TPD52L1: variants seen among roughly 807,000 people sequenced by gnomAD.
TPD52L1 encodes TPD52 like 1.
A neutral mutation model predicts 28.7 loss-of-function variants in TPD52L1; 18 were observed. The ratio of observed to expected loss-of-function variants is 0.63; its 90% CI spans 0.43 to 0.93. The LOEUF is 0.93. Among genes scored for constraint, TPD52L1 ranks in the 40% least tolerant of loss-of-function variants. The pLI is 0.00. For missense variants in TPD52L1, 203 were observed against 254.8 expected (o/e 0.80, Z 1.39); for synonymous variants, 75 against 88.8 (o/e 0.84, Z 0.88).
intron 1 of TPD52L1, among the ~76,000 whole-genome samples, chr6:125,186,083 G>A (rs575280577): frequency 7.9e-5 from 12 of 151,868 alleles, no homozygotes; most frequent in East Asian, 1.9e-4. Flanking sequence ...TAGTAGAGAC[G>A]GTGTTTCACC....
chr6:125,249,561 G>A (rs531977342), intron 4 of TPD52L1, among the ~76,000 whole-genome samples: 26 of 151,704 alleles, frequency 1.7e-4, no homozygotes, highest in African/African-American at 6.3e-4. Flanking sequence ...GCATGGTTGT[G>A]TGTGCCTGTA....
chr6:125,179,402 C>A (rs1423883311), intron 1 of TPD52L1, among the ~76,000 whole-genome samples: 1 of 152,226 alleles, frequency 6.6e-6, no homozygotes, highest in Non-Finnish European at 1.5e-5. Context: ...CAGGCAACTG[C>A]TCAAAAACTG....
intron 1 of TPD52L1, among the ~76,000 whole-genome samples, chr6:125,213,582 C>T (rs538404727): frequency 6.6e-6 from 1 of 152,106 alleles, no homozygotes. Flanking sequence ...ACCCCAGCCC[C>T]TGATGCAGGA....
In TPD52L1 at chr6:125,263,037, G is replaced by A; in HGVS notation, c.*75G>A. 3 of 1,479,114 alleles carry A rather than the reference G, an allele frequency of 2.0e-6. No homozygotes were observed. The highest frequency in any genetic ancestry group is 9.0e-7 in the Non-Finnish European group (1 of 1,115,546). 91.6% of individuals were successfully genotyped at this position (1,479,114 alleles called of 1,614,324 possible). A position where few individuals can be genotyped will look rare whatever the true frequency, so the allele number is the denominator to read the frequency against. ...TCTCTGCCTGTGCTTATCCAGATAA[G>A]AAGACCAAAATCCCGCTGGGAAAAA... On this transcript the variant is annotated 3_prime_UTR_variant, in exon 7 of 7. Coordinates refer to ENST00000534000, the MANE Select transcript of TPD52L1 (RefSeq NM_003287.4).
intron 1 of TPD52L1, among the ~76,000 whole-genome samples, chr6:125,172,537 T>TATTATATATATATATA (rs1562214468): frequency 3.4e-5 from 3 of 88,866 alleles, no homozygotes; most frequent in South Asian, 6.9e-4. Flanking sequence ...TATATATATA[T>TATTATATATATATATA]ATATATATAT....
At chr6:125,223,949 C>CT (rs969597828) in intron 2 of TPD52L1, among the ~76,000 whole-genome samples, 45 of 151,636 alleles carry the variant, frequency 3.0e-4, no homozygotes, top group African/African-American at 6.8e-4. Flanking sequence ...AGAATATGCT[C>CT]TTTTTTTTAC....
chr6:125,229,675 G>A (rs1171048706), intron 3 of TPD52L1, among the ~76,000 whole-genome samples: 1 of 152,212 alleles, frequency 6.6e-6, no homozygotes, highest in African/African-American at 2.4e-5. Flanking sequence ...GTGGTTGGCA[G>A]TTTCAATACT....
intron 1 of TPD52L1, among the ~76,000 whole-genome samples, chr6:125,172,314 TAGAC>T (rs1453033756): frequency 8.0e-4 from 114 of 141,682 alleles, no homozygotes; most frequent in African/African-American, 2.9e-3. Context: ...CTTTCTTTCT[TAGAC>T]AGAGTCTTTC....
In TPD52L1 at chr6:125,260,979, AAG is replaced by A. The variant is rs1341268278; in HGVS notation, c.487-1853_487-1852del. The A allele has an allele frequency of 1.9e-4, 8 of 43,076 alleles. No individual in the cohort carries two copies. In the East Asian group the frequency reaches 3.2e-3, roughly 17 times the overall value. 2.7% of individuals were successfully genotyped at this position (43,076 alleles called of 1,614,324 possible). On this transcript the variant is annotated intron_variant, in intron 6 of 6. Transcript: ENST00000534000. ...AAGAAAGAAAGAAAGAAAGAAAGAA[AAG>A]AAAAGAAAGAAAGAAAGAAAGAAAG...
At chr6:125,231,345 T>C (rs1005881302) in intron 3 of TPD52L1, 4 of 152,208 alleles carry the variant, frequency 2.6e-5, no homozygotes, top group Non-Finnish European at 4.4e-5. Context: ...GTGTCAAGTT[T>C]GTGCAAGGTC....
chr6:125,169,772 C>G (rs930466106), intron 1 of TPD52L1, among the ~76,000 whole-genome samples: 1 of 152,074 alleles, frequency 6.6e-6, no homozygotes, highest in Admixed American at 6.5e-5. Flanking sequence ...ACATAGTAAC[C>G]AGAGTGATCC....
At chr6:125,247,900 G>T (rs972236324) in intron 3 of TPD52L1, among the ~76,000 whole-genome samples, 1 of 152,062 alleles carries the variant, frequency 6.6e-6, no homozygotes, top group African/African-American at 2.4e-5. Context: ...ACCTAAACCT[G>T]CATTCTCTAA....
At position 125,181,770 on chromosome 6, in the gene TPD52L1, G is replaced by A. The variant is rs139902091; in HGVS notation, c.19+27800G>A. ...GGACTTGCCAGTTTACATTGGCGTGGTGCAAGCCATAGATCTTTGGACATA... is the reference window on the plus strand; with the variant it reads ...GGACTTGCCAGTTTACATTGGCGTGATGCAAGCCATAGATCTTTGGACATA... On this transcript the variant is annotated intron_variant, in intron 1 of 6. Coordinates refer to ENST00000534000, the MANE Select transcript of TPD52L1 (RefSeq NM_003287.4). 8.1e-4 allele frequency among the ~76,000 whole-genome samples: 124 copies of A among 152,288 alleles called. 2 individuals are homozygous for A. The East Asian group carries it at 0.022, about 27-fold the overall frequency.
chr6:125,219,037 T>C (rs1413844393), intron 1 of TPD52L1, among the ~76,000 whole-genome samples: 1 of 152,200 alleles, frequency 6.6e-6, no homozygotes, highest in African/African-American at 2.4e-5. Context: ...GAAACTTCCA[T>C]GGCTCAACCT....
intron 6 of TPD52L1, among the ~76,000 whole-genome samples, chr6:125,258,960 AC>A (rs1272382917): frequency 6.6e-6 from 1 of 152,176 alleles, no homozygotes; most frequent in Non-Finnish European, 1.5e-5. Context: ...TTTGTGTCAA[AC>A]CTCCCACTTC....
At chr6:125,154,425 G>A in intron 1 of TPD52L1, 1 of 988,964 alleles carries the variant, frequency 1.0e-6, no homozygotes, top group Non-Finnish European at 1.2e-6. Context: ...ATCGCCCGCC[G>A]AGGGGGTGGC....
At chr6:125,174,011 T>G (rs1791666829) in intron 1 of TPD52L1, among the ~76,000 whole-genome samples, 1 of 152,188 alleles carries the variant, frequency 6.6e-6, no homozygotes, top group African/African-American at 2.4e-5. Flanking sequence ...GTGCAGTCCC[T>G]TATTAGCGAT....
At chr6:125,192,724 T>C (rs1396380291) in intron 1 of TPD52L1, among the ~76,000 whole-genome samples, 1 of 152,190 alleles carries the variant, frequency 6.6e-6, no homozygotes, top group Non-Finnish European at 1.5e-5. Flanking sequence ...CCAAGCACTT[T>C]GCTGCATACG....
At chr6:125,170,875 C>T (rs1194699756) in intron 1 of TPD52L1, among the ~76,000 whole-genome samples, 1 of 151,150 alleles carries the variant, frequency 6.6e-6, no homozygotes, top group Non-Finnish European at 1.5e-5. Context: ...TGTGCCTCCT[C>T]TTCTAGACCA....
Sources: gnomAD v4.1 joint callset for allele counts (sites outside exome capture counted in the v4.1 genomes callset) on GRCh38, gnomAD v4.1.1 for gene constraint, MANE v1.5 for transcripts, NCBI Gene and HGNC (gene_info 2026-07-23, HGNC 2026-07-21) for gene names.